Variants in NEMP2 observed in about 807,000 individuals in gnomAD.
NEMP2 encodes nuclear envelope integral membrane protein 2.
Under a neutral mutation model 54.2 loss-of-function variants are expected in NEMP2, and 53 were observed. The ratio of observed to expected loss-of-function variants is 0.98; its 90% CI spans 0.78 to 1.23. NEMP2 has a LOEUF of 1.23. NEMP2 is among the 50% of genes most tolerant of loss of function. The pLI is 0.00. For missense variants in NEMP2, 455 were observed against 511.3 expected (o/e 0.89, Z 1.06); for synonymous variants, 197 against 190.3 (o/e 1.04, Z -0.29).
chr2:190,588,442 G>A, the NEMP2 span, among the ~76,000 whole-genome samples: 2 of 152,170 alleles, frequency 1.3e-5, no homozygotes, highest in Admixed American at 1.3e-4. The surrounding 1 kb of genome is among the most constrained non-coding windows in gnomAD (Gnocchi z 5.0). Context: ...GGGAATGAAA[G>A]ACCATACACA....
rs992630253 is a variant in NEMP2, at chr2:190,514,842, C to T, written c.728-164G>A. Among the ~76,000 whole-genome samples the T allele has an allele frequency of 6.6e-6, 1 of 151,964 alleles. No individual in the cohort carries two copies. The highest frequency in any genetic ancestry group is 2.4e-5 in the African/African-American group (1 of 41,368). On this transcript the variant is annotated intron_variant, in intron 6 of 8. Transcript: ENST00000409150. The surrounding 1 kb of genome is among the most constrained non-coding windows in gnomAD (Gnocchi z 5.7). ...GAAAAATGCACATAGGGTGTTATTC[C>T]TTCCATATGAGATACTAGGCTGACT... is the stretch of plus-strand genomic sequence containing the variant.
chr2:190,497,819 G>GA, the NEMP2 span: 1 of 1,380,544 alleles, frequency 7.2e-7, no homozygotes, highest in Non-Finnish European at 9.9e-7. This position sits in a 1 kb window ranked among gnomAD's most constrained non-coding sequence, Gnocchi z 5.2. Context: ...AAGATTTATT[G>GA]AAAGTCTGGT....
chr2:190,474,807 A>G, the NEMP2 span, among the ~76,000 whole-genome samples: 1 of 152,238 alleles, frequency 6.6e-6, no homozygotes, highest in African/African-American at 2.4e-5. Flanking sequence ...GATAGATGCA[A>G]AAATCCTCAA....
the NEMP2 span, among the ~76,000 whole-genome samples, chr2:190,429,227 C>CGTGT: frequency 4.6e-3 from 680 of 148,890 alleles, 7 homozygotes; most frequent in Admixed American, 7.7e-3. Flanking sequence ...TCTTTTGTTA[C>CGTGT]GTGTGTGTGT....
chr2:190,451,696 CA>C, the NEMP2 span, among the ~76,000 whole-genome samples: 1 of 152,304 alleles, frequency 6.6e-6, no homozygotes, highest in African/African-American at 2.4e-5. This position sits in a 1 kb window ranked among gnomAD's most constrained non-coding sequence, Gnocchi z 5.0. Flanking sequence ...TGGAAGCCCC[CA>C]GTGAAGATCT....
the NEMP2 span, among the ~76,000 whole-genome samples, chr2:190,421,894 T>C: frequency 6.6e-6 from 1 of 152,174 alleles, no homozygotes; most frequent in Non-Finnish European, 1.5e-5. Context: ...TTAAAGACAC[T>C]AGATAATATC....
Position 190,510,880 on chromosome 2 carries a change from C to CAAAAA in NEMP2, c.954-348_954-344dup, listed in dbSNP as rs1212394251. 3.2e-5 allele frequency among the ~76,000 whole-genome samples: 2 copies of CAAAAA among 63,240 alleles called. No individual in the cohort carries two copies. Among genetic ancestry groups the CAAAAA allele is most frequent in the African/African-American group, 1.2e-4 (2 of 16,006 alleles). 41.5% of individuals were successfully genotyped at this position (63,240 alleles called of 152,430 possible). On this transcript the variant is annotated intron_variant, in intron 7 of 8. Coordinates refer to ENST00000409150, the MANE Select transcript of NEMP2 (RefSeq NM_001142645.2). This position sits in a 1 kb window ranked among gnomAD's most constrained non-coding sequence, Gnocchi z 5.7. ...TGGGCGACAGAGGGAGACTCCGTCT[C>CAAAAA]AAAAAAAAAAAAAAAAGATTTACAA...
the NEMP2 span, among the ~76,000 whole-genome samples, chr2:190,486,379 G>C: frequency 6.6e-6 from 1 of 152,238 alleles, no homozygotes; most frequent in Non-Finnish European, 1.5e-5. Flanking sequence ...GCCCTCTATA[G>C]ATCTCTGGAG....
the NEMP2 span, among the ~76,000 whole-genome samples, chr2:190,464,319 A>G: frequency 6.6e-6 from 1 of 152,094 alleles, no homozygotes; most frequent in Admixed American, 6.6e-5. Flanking sequence ...GGGCTTTGCA[A>G]AATGCTTGTT....
the NEMP2 span, chr2:190,488,512 A>G: frequency 1.3e-6 from 1 of 758,872 alleles, no homozygotes; most frequent in Non-Finnish European, 1.9e-6. This position sits in a 1 kb window ranked among gnomAD's most constrained non-coding sequence, Gnocchi z 6.4. Context: ...GTACATTTAA[A>G]AATGTGAAAA....
the NEMP2 span, among the ~76,000 whole-genome samples, chr2:190,632,595 T>C: frequency 6.6e-6 from 1 of 152,256 alleles, no homozygotes; most frequent in Non-Finnish European, 1.5e-5. The surrounding 1 kb of genome is among the most constrained non-coding windows in gnomAD (Gnocchi z 4.8). Flanking sequence ...GTAGAATATG[T>C]GTCCTTGCCT....
chr2:190,444,554 G>A, the NEMP2 span, among the ~76,000 whole-genome samples: 1 of 152,166 alleles, frequency 6.6e-6, no homozygotes, highest in Non-Finnish European at 1.5e-5. Flanking sequence ...TAGTGTAGGG[G>A]AGATTTTATG....
the NEMP2 span, among the ~76,000 whole-genome samples, chr2:190,598,108 G>A: frequency 6.6e-6 from 1 of 152,068 alleles, no homozygotes; most frequent in African/African-American, 2.4e-5. Context: ...ACTAGATGCC[G>A]GTAGCACCTT....
At chr2:190,559,858 G>A in the NEMP2 span, among the ~76,000 whole-genome samples, 4 of 152,238 alleles carry the variant, frequency 2.6e-5, no homozygotes, top group South Asian at 2.1e-4. The surrounding 1 kb of genome is among the most constrained non-coding windows in gnomAD (Gnocchi z 4.0). Flanking sequence ...GCTGGCACCC[G>A]GGAAATCTGT....
chr2:190,441,662 C>G, the NEMP2 span, among the ~76,000 whole-genome samples: 2 of 151,936 alleles, frequency 1.3e-5, no homozygotes, highest in African/African-American at 4.8e-5. Flanking sequence ...TCTCTACAGT[C>G]CTCTCTCTCT....
At chr2:190,482,480 C>G in the NEMP2 span, among the ~76,000 whole-genome samples, 1 of 150,342 alleles carries the variant, frequency 6.7e-6, no homozygotes, top group African/African-American at 2.5e-5. Context: ...ACAGCTGATT[C>G]TGTGTGCCAA....
At chr2:190,472,556 G>T in the NEMP2 span, among the ~76,000 whole-genome samples, 3 of 152,108 alleles carry the variant, frequency 2.0e-5, no homozygotes, top group Admixed American at 6.5e-5. Flanking sequence ...AAAAAGAAAC[G>T]AACAAAGCCT....
the NEMP2 span, among the ~76,000 whole-genome samples, chr2:190,572,279 C>T: frequency 3.3e-5 from 5 of 152,210 alleles, no homozygotes; most frequent in South Asian, 6.2e-4. Context: ...ATGTATCTTT[C>T]CATTAACTTG....
At chr2:190,556,855 G>T in the NEMP2 span, among the ~76,000 whole-genome samples, 1 of 152,174 alleles carries the variant, frequency 6.6e-6, no homozygotes, top group East Asian at 1.9e-4. Context: ...AACATTCCAG[G>T]CTCATGGATA....
Sources: gnomAD v4.1 joint callset for allele counts (sites outside exome capture counted in the v4.1 genomes callset) on GRCh38, gnomAD v4.1.1 for gene constraint, Gnocchi (gnomAD v3.1) non-coding constraint, MANE v1.5 for transcripts, NCBI Gene and HGNC (gene_info 2026-07-23, HGNC 2026-07-21) for gene names.